The following MTRR variants were observed in gnomAD, a reference collection of about 807,000 sequenced individuals.
MTRR encodes 5-methyltetrahydrofolate-homocysteine methyltransferase reductase.
A neutral mutation model predicts 79.2 loss-of-function variants in MTRR; 63 were observed. The observed-to-expected ratio is 0.80, with a 90% CI of 0.65 to 0.98. The LOEUF (loss-of-function observed/expected upper bound fraction) is 0.98. Among genes scored for constraint, MTRR ranks in the 50% least tolerant of loss-of-function variants. The probability of loss-of-function intolerance (pLI) is 0.00; values close to 1 mark genes in which losing one functional copy is unlikely to be tolerated. For synonymous variants in MTRR, 355 were observed against 313.3 expected, an observed-to-expected ratio of 1.13 and a Z score of -1.41; for missense variants, 895 against 839.6, an observed-to-expected ratio of 1.07 and a Z score of -0.82.
intron 1 of MTRR, chr5:7,861,687 A>T: frequency 6.3e-7 from 1 of 1,592,832 alleles, no homozygotes; most frequent in Non-Finnish European, 8.6e-7. Context: ...TCCTCGTGTG[A>T]TACCCTCACA....
At chr5:7,892,941 A>G in intron 11 of MTRR, 28 bp downstream of exon 11, 6 of 1,598,484 alleles carry the variant, frequency 3.8e-6, no homozygotes, top group Non-Finnish European at 1.7e-6. Flanking sequence ...TAACCTCAGC[A>G]TTGTTAACTC....
At chr5:7,867,295 C>G (rs1220964614), upstream of MTRR, 20 of 1,613,582 alleles carry the variant, frequency 1.2e-5, no homozygotes, top group Admixed American at 5.0e-5. Flanking sequence ...TACATGCCTG[C>G]AAGATTCTAT....
intron 1 of MTRR, among the ~76,000 whole-genome samples, chr5:7,852,518 C>T: frequency 6.6e-6 from 1 of 152,142 alleles, no homozygotes; most frequent in Middle Eastern, 3.2e-3. Context: ...AAGGGTCAGA[C>T]ACCTGCCCAC....
chr5:7,872,438 C>T lies in MTRR; in HGVS notation c.130-935C>T, dbSNP rs750574537. On this transcript the variant is annotated intron_variant, in intron 2 of 14. Transcript: ENST00000440940. ...CTCAGAGTTAAGACAGTGAAATGCT[C>T]TATATGAAATATTTAAACTTACATG... 4.0e-4 allele frequency: 100 copies of T among 249,092 alleles called. 1 individual carries two copies. Among genetic ancestry groups the T allele is most frequent in the Admixed American group, 8.3e-4 (16 of 19,290 alleles). The allele number at this position is 249,092 out of a possible 1,614,324, so 15.4% of individuals were successfully genotyped here.
intron 6 of MTRR, 59 bp downstream of exon 6, chr5:7,883,336 TGTGTGGTGCTTGGTTATATATGCTGAGTG>T (rs1358092053): frequency 2.7e-5 from 44 of 1,609,348 alleles, no homozygotes; most frequent in African/African-American, 4.0e-5. Context: ...CAGAAAGAGT[TGTGTGGTGCTTGGTTATATATGCTGAGTG>T]GTGTGCTGCT....
upstream of MTRR, chr5:7,866,117 C>A: frequency 1.5e-6 from 1 of 662,940 alleles, no homozygotes; most frequent in Non-Finnish European, 2.6e-6. Context: ...ATGAAATGAA[C>A]TTGTTAGAAT....
Position 7,878,057 on chromosome 5 carries a change from C to A in MTRR, c.515C>A (p.Pro172His). Residue 172 changes from proline (P) to histidine (H), a missense_variant, in exon 5 of 15, where the codon CCT (proline) becomes CAT (histidine). Coordinates refer to ENST00000440940, the MANE Select transcript of MTRR (RefSeq NM_002454.3). ...EISGALPVAS[P>H]ASSRTDLVKS... ...AGTGGCGCACTCCCGGTGGCATCAC[C>A]TGCATCCTCGAGGACAGACCTTGTG... is the stretch of plus-strand genomic sequence containing the variant. The A allele has an allele frequency of 1.2e-6, 2 of 1,613,902 alleles. No homozygotes were observed. The highest frequency in any genetic ancestry group is 2.2e-5 in the South Asian group (2 of 91,068).
At chr5:7,890,826 T>C (rs1411838431) in intron 9 of MTRR, among the ~76,000 whole-genome samples, 1 of 152,272 alleles carries the variant, frequency 6.6e-6, no homozygotes, top group Non-Finnish European at 1.5e-5. Context: ...CTACGTATTT[T>C]GAAATCACTG....
At position 7,879,210 on chromosome 5, in the gene MTRR, T is replaced by C. The variant is rs1304591322; in HGVS notation, c.780+888T>C. Among the ~76,000 whole-genome samples the C allele has an allele frequency of 2.6e-5, 4 of 152,266 alleles. No individual in the cohort carries two copies. In the East Asian group the frequency reaches 7.7e-4, roughly 29 times the overall value. ...GTTTAAGTGAGATAATTGCAGTAAG[T>C]GTATCTCAGTCTGGTTTGGGAACAG... On this transcript the variant is annotated intron_variant, in intron 5 of 14. Coordinates refer to ENST00000440940, the MANE Select transcript of MTRR (RefSeq NM_002454.3).
At chr5:7,866,754 G>A (rs1161516741), upstream of MTRR, 1 of 1,614,028 alleles carries the variant, frequency 6.2e-7, no homozygotes, top group Admixed American at 1.7e-5. Flanking sequence ...GATTTGGGTG[G>A]AAAATAATTG....
chr5:7,892,637 A>G (rs1387491333), intron 10 of MTRR, 90 bp from the exon 11 acceptor site: 253 of 1,360,720 alleles, frequency 1.9e-4, no homozygotes, highest in Non-Finnish European at 1.1e-4. Flanking sequence ...CTATAAGGAA[A>G]TATTTCTAAA....
chr5:7,886,286 T>A (rs1441542339), intron 7 of MTRR, among the ~76,000 whole-genome samples: 1 of 152,168 alleles, frequency 6.6e-6, no homozygotes, highest in Non-Finnish European at 1.5e-5. Context: ...ACTTAGAATC[T>A]TGAAGTAGTC....
At position 7,869,230 on chromosome 5, in the gene MTRR, G is replaced by C. The variant is rs769023325; in HGVS notation, c.-26+15G>C. ...GCGCGGCGTGGGTAAGCTGCCTGTC[G>C]GCTACGGTTCCCGGATTCCGGCCGC... On this transcript the variant is annotated intron_variant, in intron 1 of 14. Coordinates refer to ENST00000440940, the MANE Select transcript of MTRR (RefSeq NM_002454.3). 4 of 1,603,596 alleles carry C rather than the reference G, an allele frequency of 2.5e-6. No homozygotes were observed. Among genetic ancestry groups the C allele is most frequent in the Admixed American group, 1.7e-5 (1 of 59,980 alleles).
chr5:7,876,834 G>T (rs1172586768), intron 4 of MTRR, among the ~76,000 whole-genome samples: 1 of 152,212 alleles, frequency 6.6e-6, no homozygotes, highest in Non-Finnish European at 1.5e-5. Flanking sequence ...TTAGAAGAGT[G>T]CCTGTCGTCA....
chr5:7,860,323 A>G (rs1746447150), intron 1 of MTRR, among the ~76,000 whole-genome samples: 1 of 152,198 alleles, frequency 6.6e-6, no homozygotes, highest in South Asian at 2.1e-4. Context: ...GCCCTCACAT[A>G]AGACCTTCTT....
At chr5:7,896,423 A>AT (rs1430377951) in intron 12 of MTRR, 1 of 209,176 alleles carries the variant, frequency 4.8e-6, no homozygotes, top group East Asian at 1.3e-4. Context: ...TTTCGTTTTA[A>AT]TTTTTTCCTT....
intron 11 of MTRR, 85 bp downstream of exon 11, chr5:7,892,998 A>G (rs1233175673): frequency 2.1e-6 from 3 of 1,427,358 alleles, no homozygotes; most frequent in Non-Finnish European, 2.9e-6. Flanking sequence ...CACCCACATC[A>G]TTCATTACTG....
At chr5:7,872,267 A>G (rs949186080) in intron 2 of MTRR, 1 of 454,480 alleles carries the variant, frequency 2.2e-6, no homozygotes, top group African/African-American at 2.0e-5. Context: ...GCCAAATTCG[A>G]TGGTGTTCAT....
intron 3 of MTRR, 65 bp downstream of exon 3, chr5:7,873,591 C>A: frequency 3.2e-6 from 5 of 1,548,316 alleles, no homozygotes; most frequent in Non-Finnish European, 4.5e-6. Flanking sequence ...TCTGAATTAT[C>A]TTTCAGAACT....
Sources: gnomAD v4.1 joint callset for allele counts (sites outside exome capture counted in the v4.1 genomes callset) on GRCh38, gnomAD v4.1.1 for gene constraint, MANE v1.5 for transcripts, NCBI Gene and HGNC (gene_info 2026-07-23, HGNC 2026-07-21) for gene names.